The following HSDL2 variants were observed in gnomAD, a reference collection of about 807,000 sequenced individuals.
The protein encoded by HSDL2 is hydroxysteroid dehydrogenase like 2.
HSDL2 carries 27 observed loss-of-function variants against 46.3 expected under a neutral mutation model. That is an observed-to-expected ratio of 0.58 (90% CI 0.43 to 0.80). HSDL2 has a LOEUF of 0.80. HSDL2 is among the 30% of genes least tolerant of loss of function. The pLI is 0.00. For synonymous variants in HSDL2, 153 were observed against 163.6 expected, an observed-to-expected ratio of 0.94 and a Z score of 0.50; for missense variants, 451 against 502.7, an observed-to-expected ratio of 0.90 and a Z score of 0.98.
At chr9:112,462,290 C>A (rs1266189723) in intron 10 of HSDL2, among the ~76,000 whole-genome samples, 1 of 152,054 alleles carries the variant, frequency 6.6e-6, no homozygotes, top group African/African-American at 2.4e-5. Context: ...AGGGCAAAAC[C>A]CTGTCTCTAC....
intron 4 of HSDL2, among the ~76,000 whole-genome samples, chr9:112,412,272 C>T (rs986285857): frequency 4.9e-5 from 7 of 142,856 alleles, no homozygotes; most frequent in East Asian, 2.0e-4. Flanking sequence ...AGAATTTTGA[C>T]GTGATTAAAA....
chr9:112,466,391 A>G (rs1833379973), intron 10 of HSDL2, among the ~76,000 whole-genome samples: 1 of 152,094 alleles, frequency 6.6e-6, no homozygotes, highest in Non-Finnish European at 1.5e-5. Flanking sequence ...CATCTCTACT[A>G]AAAATACAAA....
intron 8 of HSDL2, among the ~76,000 whole-genome samples, chr9:112,445,646 T>A (rs1156756953): frequency 6.6e-6 from 1 of 152,112 alleles, no homozygotes; most frequent in African/African-American, 2.4e-5. Flanking sequence ...TTCCTCAGCC[T>A]CCCTAGTAGC....
chr9:112,415,918 C>T (rs536340175), intron 4 of HSDL2, among the ~76,000 whole-genome samples: 7 of 152,122 alleles, frequency 4.6e-5, no homozygotes, highest in Non-Finnish European at 1.0e-4. Context: ...ACCATCCTGG[C>T]TAACACGGTG....
At chr9:112,430,538 C>T (rs1307594357) in intron 6 of HSDL2, among the ~76,000 whole-genome samples, 8 of 152,170 alleles carry the variant, frequency 5.3e-5, no homozygotes, top group Non-Finnish European at 1.2e-4. Context: ...ACCTCTCTGG[C>T]TGTTCTGATG....
chr9:112,436,026 G>C (rs1832668274), intron 6 of HSDL2, among the ~76,000 whole-genome samples: 1 of 151,790 alleles, frequency 6.6e-6, no homozygotes, highest in African/African-American at 2.4e-5. Flanking sequence ...TGTAATCCCA[G>C]CACTTTGGAA....
intron 3 of HSDL2, 37 bp downstream of exon 3, chr9:112,405,759 G>T (rs368695174): frequency 1.1e-5 from 14 of 1,227,788 alleles, no homozygotes; most frequent in Admixed American, 2.0e-5. Context: ...TTGGATATTG[G>T]TAAAATAAAG....
At chr9:112,411,815 TA>T (rs1448289601) in intron 4 of HSDL2, among the ~76,000 whole-genome samples, 1 of 152,150 alleles carries the variant, frequency 6.6e-6, no homozygotes, top group African/African-American at 2.4e-5. Context: ...TATATGGGAA[TA>T]AAAATATTTT....
chr9:112,381,548 G>A (rs1831096316), intron 1 of HSDL2, among the ~76,000 whole-genome samples: 1 of 152,080 alleles, frequency 6.6e-6, no homozygotes, highest in Non-Finnish European at 1.5e-5. Flanking sequence ...TACAGACGGG[G>A]TTTCACCATG....
At chr9:112,460,992 G>C (rs1404381453) in intron 10 of HSDL2, among the ~76,000 whole-genome samples, 1 of 151,998 alleles carries the variant, frequency 6.6e-6, no homozygotes, top group East Asian at 1.9e-4. Flanking sequence ...ATAAAAACAG[G>C]ATCATACCAT....
chr9:112,470,297 T>C (rs1833536666), intron 10 of HSDL2, 135 bp from the exon 11 acceptor site: 1 of 504,004 alleles, frequency 2.0e-6, no homozygotes, highest in African/African-American at 2.0e-5. Flanking sequence ...TGATATAAAA[T>C]GCTGTAACAG....
At chr9:112,461,795 G>C (rs1215832719) in intron 10 of HSDL2, among the ~76,000 whole-genome samples, 1 of 152,206 alleles carries the variant, frequency 6.6e-6, no homozygotes, top group Non-Finnish European at 1.5e-5. Context: ...TATTATGCTA[G>C]TCTGCCCTCC....
intron 1 of HSDL2, among the ~76,000 whole-genome samples, chr9:112,393,922 G>A (rs1237745801): frequency 6.6e-6 from 1 of 152,188 alleles, no homozygotes; most frequent in African/African-American, 2.4e-5. Context: ...TCAGGCTGGA[G>A]GTAATCAAAG....
intron 6 of HSDL2, among the ~76,000 whole-genome samples, chr9:112,428,584 T>C (rs1832305875): frequency 6.6e-6 from 1 of 152,242 alleles, no homozygotes; most frequent in African/African-American, 2.4e-5. Context: ...GTTTTATTTC[T>C]AGTGGAATCG....
rs150585976 is a variant in HSDL2, at chr9:112,392,502, G to A, written c.18-11493G>A. 2.5e-3 allele frequency among the ~76,000 whole-genome samples: 374 copies of A among 152,244 alleles called. 4 individuals carry two copies. The highest frequency in any genetic ancestry group is 8.1e-3 in the African/African-American group (335 of 41,542). On this transcript the variant is annotated intron_variant, in intron 1 of 10. Transcript: ENST00000398805. The stretch of plus-strand genomic sequence containing the variant: ...TAAGACAGACATTCCCAGAGTGGCC[G>A]TTGATAGACCTGCCCCCAGGAATGC...
chr9:112,455,796 T>C (rs929858128), intron 9 of HSDL2, among the ~76,000 whole-genome samples: 2 of 152,192 alleles, frequency 1.3e-5, no homozygotes, highest in Admixed American at 6.5e-5. Flanking sequence ...ACAGAGGTAA[T>C]AGAAACCTAC....
intron 1 of HSDL2, among the ~76,000 whole-genome samples, chr9:112,389,458 A>G (rs7857125): frequency 0.92 from 140,776 of 152,262 alleles, 65,214 homozygotes; most frequent in African/African-American, 0.98. Context: ...GGATATGTGA[A>G]TATTTTTTTT....
chr9:112,419,175 A>T (rs1564116205), intron 6 of HSDL2, among the ~76,000 whole-genome samples: 2 of 151,776 alleles, frequency 1.3e-5, no homozygotes, highest in East Asian at 3.9e-4. Context: ...TGCCTGGCTA[A>T]TTTTTGTATT....
intron 4 of HSDL2, among the ~76,000 whole-genome samples, chr9:112,411,501 C>G (rs893911869): frequency 2.6e-5 from 4 of 152,108 alleles, no homozygotes; most frequent in Non-Finnish European, 5.9e-5. Flanking sequence ...ATGGTGAAAC[C>G]CTGTCTCTAC....
Sources: allele counts gnomAD v4.1 joint callset (sites outside exome capture counted in the v4.1 genomes callset), GRCh38; gene constraint gnomAD v4.1.1; transcripts MANE v1.5; gene names NCBI Gene and HGNC (gene_info 2026-07-23, HGNC 2026-07-21).